The following FKBP11 variants were observed in gnomAD, a reference collection of about 807,000 sequenced individuals.
The protein encoded by FKBP11 is peptidyl-prolyl cis-trans isomerase FKBP11.
A neutral mutation model predicts 24.7 loss-of-function variants in FKBP11; 21 were observed. That is an observed-to-expected ratio of 0.85 (90% CI 0.60 to 1.23). The LOEUF (loss-of-function observed/expected upper bound fraction) is 1.23. Ranked by LOEUF, FKBP11 falls within the 50% of genes most tolerant of loss-of-function variation. The pLI, the probability that FKBP11 is intolerant of heterozygous loss-of-function variation, is 0.00. For synonymous variants in FKBP11, 106 were observed against 100.6 expected (o/e 1.05, Z -0.32); for missense variants, 245 against 248.7 (o/e 0.99, Z 0.10).
intron 3 of FKBP11, 113 bp from the exon 4 acceptor site, chr12:48,924,369 A>G: frequency 7.2e-7 from 1 of 1,398,364 alleles, no homozygotes; most frequent in East Asian, 2.3e-5. Flanking sequence ...CTCACTTCTT[A>G]AATCTCTGGC....
chr12:48,923,101 T>C (rs1288205059), intron 5 of FKBP11: 24 of 992,472 alleles, frequency 2.4e-5, no homozygotes, highest in Non-Finnish European at 3.1e-5. Flanking sequence ...TGAGTGAAGA[T>C]TGCACTATTG....
At chr12:48,933,246 G>C in the FKBP11 span, among the ~76,000 whole-genome samples, 1 of 152,060 alleles carries the variant, frequency 6.6e-6, no homozygotes, top group Non-Finnish European at 1.5e-5. Flanking sequence ...AGCAATCAGG[G>C]TCAGGAAACC....
upstream of FKBP11, among the ~76,000 whole-genome samples, chr12:48,930,888 GGAGGCCGAGGCGGGCGGATCAC>G: frequency 1.3e-5 from 2 of 152,266 alleles, no homozygotes; most frequent in Middle Eastern, 6.8e-3. Context: ...CAGCACTTTG[GGAGGCCGAGGCGGGCGGATCAC>G]GAGGTCAGGA....
chr12:48,938,794 G>C, the FKBP11 span: 1 of 896,900 alleles, frequency 1.1e-6, no homozygotes, highest in Non-Finnish European at 1.7e-6. Flanking sequence ...AAAAAGGAGG[G>C]GAGGCAGGGG....
chr12:48,923,103 G>A, intron 5 of FKBP11: 2 of 998,118 alleles, frequency 2.0e-6, no homozygotes, highest in Non-Finnish European at 2.6e-6. Context: ...AGTGAAGATT[G>A]CACTATTGCA....
chr12:48,929,480 A>G (rs932246308), upstream of FKBP11, among the ~76,000 whole-genome samples: 10 of 151,976 alleles, frequency 6.6e-5, no homozygotes, highest in African/African-American at 2.4e-4. Context: ...GCCTCTCCCT[A>G]CTTTGGACCA....
At chr12:48,929,236 C>T (rs1028242369), upstream of FKBP11, among the ~76,000 whole-genome samples, 2 of 151,978 alleles carry the variant, frequency 1.3e-5, no homozygotes, top group Admixed American at 1.3e-4. Context: ...TTGCTTGAGG[C>T]CAGGAGTTCA....
At chr12:48,938,920 G>A in the FKBP11 span, 4 of 1,606,604 alleles carry the variant, frequency 2.5e-6, no homozygotes, top group Non-Finnish European at 2.6e-6. Flanking sequence ...GGGGTGGGTG[G>A]GGTGCTTTGT....
At chr12:48,932,261 ATTTTTTTTTTT>A in the FKBP11 span, among the ~76,000 whole-genome samples, 102 of 30,412 alleles carry the variant, frequency 3.4e-3, no homozygotes, top group Middle Eastern at 0.05. Context: ...ATATATATAT[ATTTTTTTTTTT>A]TTTTTTTTTT....
chr12:48,928,306 A>C (rs1940006688), upstream of FKBP11, among the ~76,000 whole-genome samples: 1 of 151,236 alleles, frequency 6.6e-6, no homozygotes. Flanking sequence ...CGGCTTCTTA[A>C]AGTGCTGGGA....
At chr12:48,938,902 G>A in the FKBP11 span, 9 of 1,593,792 alleles carry the variant, frequency 5.6e-6, no homozygotes, top group South Asian at 9.0e-5. Context: ...GTGACAGTAG[G>A]TATGTCAGGG....
chr12:48,934,161 G>A, the FKBP11 span, among the ~76,000 whole-genome samples: 1 of 152,182 alleles, frequency 6.6e-6, no homozygotes, highest in African/African-American at 2.4e-5. Flanking sequence ...TGTATGCAGT[G>A]AATCCCCAGA....
In FKBP11 at chr12:48,925,466, G is replaced by T; in HGVS notation, c.-38C>A. 6.5e-7 allele frequency: 1 copy of T among 1,534,942 alleles called. No homozygotes were observed. On this transcript the variant is annotated 5_prime_UTR_variant, in exon 1 of 6. It adds an upstream start codon to the 5' untranslated region. Coordinates refer to ENST00000550765, the MANE Select transcript of FKBP11 (RefSeq NM_016594.3). ...GGCAGGGAGCCGGGGCACCAGGACAGGCTGTTCGGGTGGCGGCAGCCAGGA... is the reference window on the plus strand; with the variant it reads ...GGCAGGGAGCCGGGGCACCAGGACATGCTGTTCGGGTGGCGGCAGCCAGGA...
upstream of FKBP11, chr12:48,926,162 CTCCTT>C (rs1387229274): frequency 6.6e-6 from 1 of 151,742 alleles, no homozygotes; most frequent in African/African-American, 2.4e-5. Context: ...TATTTCCTTT[CTCCTT>C]TCATCAACAA....
chr12:48,931,827 G>C, the FKBP11 span: 8 of 205,918 alleles, frequency 3.9e-5, no homozygotes, highest in Non-Finnish European at 6.8e-5. Flanking sequence ...GTAAAAGCCT[G>C]AGTTGGCATA....
At chr12:48,935,843 T>G in the FKBP11 span, 4 of 152,206 alleles carry the variant, frequency 2.6e-5, no homozygotes, top group Non-Finnish European at 5.9e-5. Flanking sequence ...TAGAGGCACA[T>G]GGGGCCCTCC....
intron 2 of FKBP11, 21 bp downstream of exon 2, chr12:48,925,025 C>T: frequency 6.3e-7 from 1 of 1,596,888 alleles, no homozygotes; most frequent in Non-Finnish European, 8.6e-7. Context: ...AGGCCCCGCC[C>T]CGGCCCCCCA....
the FKBP11 span, among the ~76,000 whole-genome samples, chr12:48,934,831 T>C: frequency 1.3e-5 from 2 of 151,778 alleles, no homozygotes; most frequent in Non-Finnish European, 2.9e-5. Flanking sequence ...CTCACTAACA[T>C]GGAGAAACCC....
At chr12:48,931,241 T>C (rs1940046628), upstream of FKBP11, among the ~76,000 whole-genome samples, 3 of 142,218 alleles carry the variant, frequency 2.1e-5, no homozygotes, top group Admixed American at 2.2e-4. Flanking sequence ...TGACACAGCA[T>C]ACTGCACTGA....
Sources: allele counts gnomAD v4.1 joint callset (sites outside exome capture counted in the v4.1 genomes callset), GRCh38; gene constraint gnomAD v4.1.1; transcripts MANE v1.5; gene names NCBI Gene and HGNC (gene_info 2026-07-23, HGNC 2026-07-21).